The following E2F3 variants were observed in gnomAD, a reference collection of about 807,000 sequenced individuals.
E2F3 encodes the protein E2F transcription factor 3.
E2F3 carries 11 observed loss-of-function variants against 44.4 expected under a neutral mutation model. The observed-to-expected ratio is 0.25, with a 90% CI of 0.16 to 0.41. E2F3 has a LOEUF of 0.41. E2F3 is among the 10% of genes least tolerant of loss of function. The pLI is 1.00. For missense variants in E2F3, 487 were observed against 583.6 expected (o/e 0.83, Z 1.70); for synonymous variants, 249 against 253.0 (o/e 0.98, Z 0.15).
intron 1 of E2F3, among the ~76,000 whole-genome samples, chr6:20,461,401 G>C (rs1024543101): frequency 6.6e-6 from 1 of 152,144 alleles, no homozygotes; most frequent in African/African-American, 2.4e-5. Flanking sequence ...GGCTGAGGCG[G>C]GAGAATGGCG....
At chr6:20,467,793 A>C (rs1158000266) in intron 1 of E2F3, among the ~76,000 whole-genome samples, 1 of 152,036 alleles carries the variant, frequency 6.6e-6, no homozygotes, top group Non-Finnish European at 1.5e-5. Flanking sequence ...TGCATTCAGC[A>C]AACCACCTTC....
chr6:20,467,876 C>CCATGGGTATGGAGCTGCCACTCCATAT (rs1561876202), intron 1 of E2F3, among the ~76,000 whole-genome samples: 13 of 151,778 alleles, frequency 8.6e-5, no homozygotes, highest in African/African-American at 2.9e-4. Context: ...CCACTCCATA[C>CCATGGGTATGGAGCTGCCACTCCATAT]CATGGGTATG....
At chr6:20,404,002 C>T (rs1049071029) in intron 1 of E2F3, among the ~76,000 whole-genome samples, 1 of 152,122 alleles carries the variant, frequency 6.6e-6, no homozygotes, top group Non-Finnish European at 1.5e-5. Flanking sequence ...GTAAATGCCC[C>T]GGCCTCCGGT....
chr6:20,490,462 G>A lies in E2F3; in HGVS notation c.*32G>A, dbSNP rs199852126. 2,833 of 1,517,340 alleles carry A rather than the reference G, an allele frequency of 1.9e-3. 2 individuals carry two copies. Among genetic ancestry groups the A allele is most frequent in the Non-Finnish European group, 2.4e-3 (2,675 of 1,132,286 alleles). 94.0% of individuals were successfully genotyped at this position (1,517,340 alleles called of 1,614,324 possible). ...TTCGTGTGAACTCTCCTTAAAAACC[G>A]ATATTTTTTTATCATGGAACCAGAA... On this transcript the variant is annotated 3_prime_UTR_variant, in exon 7 of 7. Transcript: ENST00000346618. This position sits in a 1 kb window ranked among gnomAD's most constrained non-coding sequence, Gnocchi z 4.3.
At chr6:20,462,859 C>A (rs921390826) in intron 1 of E2F3, among the ~76,000 whole-genome samples, 1 of 48,810 alleles carries the variant, frequency 2.0e-5, no homozygotes, top group Admixed American at 3.7e-4. Context: ...CTCTCTCTCT[C>A]TTTTTTTTTT....
At chr6:20,441,141 T>A (rs1760759346) in intron 1 of E2F3, among the ~76,000 whole-genome samples, 1 of 152,240 alleles carries the variant, frequency 6.6e-6, no homozygotes, top group Admixed American at 6.5e-5. Flanking sequence ...ACAGAAAATC[T>A]ACCATTGAAC....
At chr6:20,480,465 C>A (rs754236781) in intron 2 of E2F3, among the ~76,000 whole-genome samples, 1 of 152,168 alleles carries the variant, frequency 6.6e-6, no homozygotes, top group African/African-American at 2.4e-5. Context: ...AAATAGCCAA[C>A]TAGTCCCATT....
chr6:20,464,865 C>T (rs1008668394), intron 1 of E2F3, among the ~76,000 whole-genome samples: 3 of 152,232 alleles, frequency 2.0e-5, no homozygotes, highest in African/African-American at 7.2e-5. Context: ...CCTTTACCAA[C>T]AGGTTTCGGT....
At chr6:20,434,235 A>T (rs1056534390) in intron 1 of E2F3, among the ~76,000 whole-genome samples, 1 of 152,250 alleles carries the variant, frequency 6.6e-6, no homozygotes, top group African/African-American at 2.4e-5. Flanking sequence ...GAAGATAACC[A>T]TGAGCAAATC....
At chr6:20,465,138 C>T (rs961017599) in intron 1 of E2F3, among the ~76,000 whole-genome samples, 3 of 152,188 alleles carry the variant, frequency 2.0e-5, no homozygotes, top group Non-Finnish European at 1.5e-5. Flanking sequence ...CTTCACCTCC[C>T]AGACGATTTT....
intron 2 of E2F3, among the ~76,000 whole-genome samples, chr6:20,480,786 C>T (rs1230899311): frequency 1.3e-5 from 2 of 152,196 alleles, no homozygotes; most frequent in African/African-American, 4.8e-5. Flanking sequence ...CTGTTTAAGA[C>T]CTTGTCCTGC....
Position 20,403,969 on chromosome 6 carries a change from G to A in E2F3, c.393+1344G>A, listed in dbSNP as rs911715762. ...GGGGTTGGGTGCTCGAGGGAAATGAGTAAGCAAGAAAAATCTAACTAAGTA... is the reference window on the plus strand; with the variant it reads ...GGGGTTGGGTGCTCGAGGGAAATGAATAAGCAAGAAAAATCTAACTAAGTA... On this transcript the variant is annotated intron_variant, in intron 1 of 6. Transcript: ENST00000346618. 1.3e-4 allele frequency: 69 copies of A among 516,978 alleles called. 1 individual carries two copies. In the South Asian group the frequency reaches 1.7e-3, roughly 13 times the overall value. 32.0% of individuals were successfully genotyped at this position (516,978 alleles called of 1,614,324 possible). A position where few individuals can be genotyped will look rare whatever the true frequency, so the allele number is the denominator to read the frequency against.
chr6:20,488,675 G>A (rs1378075335), intron 6 of E2F3, among the ~76,000 whole-genome samples: 2 of 152,110 alleles, frequency 1.3e-5, no homozygotes, highest in East Asian at 1.9e-4. Context: ...AATGAGATGG[G>A]GAGAGGATAT....
intron 1 of E2F3, among the ~76,000 whole-genome samples, chr6:20,433,559 C>A (rs1760475060): frequency 6.6e-6 from 1 of 152,180 alleles, no homozygotes; most frequent in South Asian, 2.1e-4. Context: ...TTGCAGCTGT[C>A]TTGAAATATT....
intron 5 of E2F3, among the ~76,000 whole-genome samples, chr6:20,487,298 G>A (rs1304016028): frequency 6.6e-6 from 1 of 152,128 alleles, no homozygotes; most frequent in Non-Finnish European, 1.5e-5. Flanking sequence ...GATAATAGAG[G>A]CCTAGACTAC....
At chr6:20,428,189 C>T (rs1231026613) in intron 1 of E2F3, among the ~76,000 whole-genome samples, 1 of 152,074 alleles carries the variant, frequency 6.6e-6, no homozygotes, top group Non-Finnish European at 1.5e-5. Context: ...GCAGTCATTT[C>T]TCTTTTCTAG....
At chr6:20,459,724 C>A (rs988844093) in intron 1 of E2F3, among the ~76,000 whole-genome samples, 1 of 152,172 alleles carries the variant, frequency 6.6e-6, no homozygotes. Context: ...GGGCAGATCA[C>A]TTGAGTCCAG....
intron 1 of E2F3, among the ~76,000 whole-genome samples, chr6:20,427,772 T>G (rs1281270146): frequency 2.0e-5 from 3 of 152,202 alleles, no homozygotes; most frequent in African/African-American, 7.2e-5. Context: ...CATCTCCTCT[T>G]TTCGAAGTCC....
At chr6:20,443,978 G>A (rs1342098908) in intron 1 of E2F3, among the ~76,000 whole-genome samples, 5 of 152,022 alleles carry the variant, frequency 3.3e-5, no homozygotes, top group Admixed American at 6.6e-5. Flanking sequence ...TTGAGAGGCC[G>A]AGGTGGGAGG....
Sources: gnomAD v4.1 joint callset for allele counts (sites outside exome capture counted in the v4.1 genomes callset) on GRCh38, gnomAD v4.1.1 for gene constraint, Gnocchi (gnomAD v3.1) non-coding constraint, MANE v1.5 for transcripts, NCBI Gene and HGNC (gene_info 2026-07-23, HGNC 2026-07-21) for gene names.